The following NPM1 variants were observed in gnomAD, a reference collection of about 807,000 sequenced individuals.
NPM1 encodes nucleophosmin.
Under a neutral mutation model 44.1 loss-of-function variants are expected in NPM1, and 1 was observed. That is an observed-to-expected ratio of 0.02 (90% CI 0.01 to 0.11). NPM1 has a LOEUF of 0.11. Among genes scored for constraint, NPM1 ranks in the 10% least tolerant of loss-of-function variants. NPM1 has a pLI of 1.00. For synonymous variants in NPM1, 126 were observed against 111.8 expected (o/e 1.13, Z -0.80); for missense variants, 197 against 347.8 (o/e 0.57, Z 3.45).
intron 9 of NPM1, 54 bp from the exon 10 acceptor site, chr5:171,407,646 A>G: frequency 2.0e-6 from 2 of 983,026 alleles, no homozygotes; most frequent in Admixed American, 1.8e-5. Flanking sequence ...TTCTAAAGGT[A>G]TCTCTCTCGG....
intron 9 of NPM1, 31 bp downstream of exon 9, chr5:171,405,434 C>A: frequency 2.0e-6 from 2 of 987,048 alleles, no homozygotes; most frequent in Non-Finnish European, 3.2e-6. Flanking sequence ...AAAACTTTGT[C>A]TCCCCCCTCA....
intron 6 of NPM1, among the ~76,000 whole-genome samples, chr5:171,397,362 A>AGAG (rs1770960998): frequency 6.6e-6 from 1 of 152,204 alleles, no homozygotes; most frequent in African/African-American, 2.4e-5. Context: ...TTGGATGTAC[A>AGAG]CCTAAAGCAG....
At chr5:171,406,466 C>A in intron 9 of NPM1, 1 of 1,609,108 alleles carries the variant, frequency 6.2e-7, no homozygotes, top group Non-Finnish European at 8.5e-7. Context: ...AAAGGAGAGA[C>A]AAATATAGTC....
chr5:171,389,984 G>C, intron 1 of NPM1, 67 bp from the exon 2 acceptor site: 1 of 947,946 alleles, frequency 1.1e-6, no homozygotes, highest in Non-Finnish European at 1.6e-6. Context: ...GACCTTTTTG[G>C]TTACCCACAC....
intron 4 of NPM1, among the ~76,000 whole-genome samples, chr5:171,392,136 C>T (rs1174499514): frequency 3.3e-5 from 5 of 152,104 alleles, no homozygotes; most frequent in Admixed American, 3.3e-4. Context: ...GAAGGGGTTT[C>T]GTGATGTTGG....
chr5:171,405,634 G>GT (rs1233941311), intron 9 of NPM1: 1 of 475,242 alleles, frequency 2.1e-6, no homozygotes, highest in East Asian at 4.1e-5. Flanking sequence ...TGCAAGGAAC[G>GT]TAGTGCACTG....
intron 4 of NPM1, 125 bp from the exon 5 acceptor site, chr5:171,392,585 T>TG (rs1770632128): frequency 1.9e-6 from 1 of 534,124 alleles, no homozygotes; most frequent in Non-Finnish European, 3.0e-6. Flanking sequence ...TCCCATGTGC[T>TG]CTTTTTTTTT....
chr5:171,393,430 A>C (rs1042944141), intron 6 of NPM1, among the ~76,000 whole-genome samples: 31 of 152,324 alleles, frequency 2.0e-4, no homozygotes, highest in Admixed American at 1.7e-3. Flanking sequence ...TTTTATGTAG[A>C]TATTTATTGA....
chr5:171,400,830 TA>T lies in NPM1; in HGVS notation c.583-7del. On this transcript the variant is annotated splice_polypyrimidine_tract_variant and splice_region_variant and intron_variant, in intron 7 of 10. Coordinates refer to ENST00000296930, the MANE Select transcript of NPM1 (RefSeq NM_002520.7). ...AGGGACAGTGATTAAGATAAATTTCTAATTGCAGTCTATACGAGATACTCCA... is the reference window on the plus strand; with the variant it reads ...AGGGACAGTGATTAAGATAAATTTCTATTGCAGTCTATACGAGATACTCCA... The T allele has an allele frequency of 6.3e-7, 1 of 1,583,436 alleles. No individual in the cohort carries two copies. Among genetic ancestry groups the T allele is most frequent in the African/African-American group, 1.4e-5 (1 of 73,850 alleles).
chr5:171,407,838 CT>C, intron 10 of NPM1, 64 bp downstream of exon 10: 1 of 992,428 alleles, frequency 1.0e-6, no homozygotes. Context: ...ATGATTCTGC[CT>C]TTACCCTTTT....
At chr5:171,406,601 T>A in intron 9 of NPM1, 4 of 1,394,072 alleles carry the variant, frequency 2.9e-6, no homozygotes, top group Non-Finnish European at 3.7e-6. Flanking sequence ...AGCACTTTCT[T>A]CTGACTGCTG....
chr5:171,409,042 T>C (rs375655205), intron 10 of NPM1, among the ~76,000 whole-genome samples: 38 of 152,312 alleles, frequency 2.5e-4, no homozygotes, highest in African/African-American at 8.7e-4. Flanking sequence ...ACTCCTGGCC[T>C]CAAGCAGTCC....
intron 8 of NPM1, among the ~76,000 whole-genome samples, chr5:171,402,092 A>G (rs921120986): frequency 2.9e-5 from 4 of 140,228 alleles, no homozygotes; most frequent in African/African-American, 1.1e-4. Context: ...TAGTTTATTT[A>G]CAATTTAAAC....
chr5:171,391,215 AGTGAC>A, intron 2 of NPM1, 85 bp from the exon 3 acceptor site: 1 of 1,416,942 alleles, frequency 7.1e-7, no homozygotes, highest in South Asian at 1.3e-5. Flanking sequence ...CCTGTGGTTA[AGTGAC>A]GCATGGCTGC....
chr5:171,406,083 T>G (rs556982604), intron 9 of NPM1, among the ~76,000 whole-genome samples: 26 of 152,262 alleles, frequency 1.7e-4, no homozygotes, highest in Middle Eastern at 6.8e-3. Flanking sequence ...AAGCTTTAAT[T>G]CTATGAATAA....
At chr5:171,407,298 GT>G (rs1054296421) in intron 9 of NPM1, among the ~76,000 whole-genome samples, 4 of 152,144 alleles carry the variant, frequency 2.6e-5, no homozygotes, top group African/African-American at 9.7e-5. Flanking sequence ...TTGTTTGTTT[GT>G]TTTTAAAGAA....
At chr5:171,388,308 G>C (rs942213674) in intron 1 of NPM1, among the ~76,000 whole-genome samples, 1 of 152,228 alleles carries the variant, frequency 6.6e-6, no homozygotes, top group African/African-American at 2.4e-5. Flanking sequence ...CTTTGCCGGG[G>C]ATACGTGGCG....
chr5:171,401,174 A>T (rs1424105103), intron 8 of NPM1, among the ~76,000 whole-genome samples: 1 of 152,028 alleles, frequency 6.6e-6, no homozygotes, highest in South Asian at 2.1e-4. Context: ...CCCGGCCAAC[A>T]TCGTGAAACC....
chr5:171,405,623 A>T, intron 9 of NPM1: 1 of 528,784 alleles, frequency 1.9e-6, no homozygotes, highest in Non-Finnish European at 3.3e-6. Flanking sequence ...ATTTTCCATT[A>T]TGCAAGGAAC....
Sources: allele counts gnomAD v4.1 joint callset (sites outside exome capture counted in the v4.1 genomes callset), GRCh38; gene constraint gnomAD v4.1.1; transcripts MANE v1.5; gene names NCBI Gene and HGNC (gene_info 2026-07-23, HGNC 2026-07-21).